The following RFC5 variants were observed in gnomAD, a reference collection of about 807,000 sequenced individuals.
RFC5 encodes the protein A1 36 kDa subunit.
Under a neutral mutation model 44.3 loss-of-function variants are expected in RFC5, and 26 were observed. The observed-to-expected ratio is 0.59, with a 90% confidence interval of 0.43 to 0.81. The LOEUF is 0.81. Among genes scored for constraint, RFC5 ranks in the 40% least tolerant of loss-of-function variants. RFC5 has a pLI of 0.00. For synonymous variants in RFC5, 155 were observed against 155.2 expected (o/e 1.00, Z 0.01); for missense variants, 328 against 418.6 (o/e 0.78, Z 1.89).
In RFC5 at chr12:118,031,337, A is replaced by ATGTC. The variant is rs757108754; in HGVS notation, c.*59_*60insTGTC. ...CAGCAGTGATGGGAGAACAGAGGACAGTTCCAGGATAAACTGCTGCCTGGG... is the reference window on the plus strand; with the variant it reads ...CAGCAGTGATGGGAGAACAGAGGACATGTCGTTCCAGGATAAACTGCTGCCTGGG... On this transcript the variant is annotated 3_prime_UTR_variant, in exon 11 of 11. Transcript: ENST00000454402. 165 of 1,182,748 alleles carry ATGTC rather than the reference A, an allele frequency of 1.4e-4. No individual in the cohort carries two copies. Among genetic ancestry groups the ATGTC allele is most frequent in the Non-Finnish European group, 2.0e-4 (158 of 799,182 alleles). The allele number at this position is 1,182,748 out of a possible 1,614,324, so 73.3% of individuals were successfully genotyped here.
At chr12:118,023,426 A>AGGGGGGAGGAGGAGGGG (rs2030675210) in intron 5 of RFC5, among the ~76,000 whole-genome samples, 1 of 48,232 alleles carries the variant, frequency 2.1e-5, no homozygotes, top group Non-Finnish European at 3.8e-5. Flanking sequence ...GGAGGAGGGG[A>AGGGGGGAGGAGGAGGGG]GGAAGAGGAG....
At chr12:118,017,490 T>C (rs1157712924) in intron 1 of RFC5, among the ~76,000 whole-genome samples, 3 of 152,336 alleles carry the variant, frequency 2.0e-5, no homozygotes, top group East Asian at 3.9e-4. Flanking sequence ...AATTCAGATC[T>C]TGTACTCTTA....
chr12:118,023,183 T>G (rs946102184), intron 5 of RFC5, among the ~76,000 whole-genome samples: 1 of 151,852 alleles, frequency 6.6e-6, no homozygotes, highest in Non-Finnish European at 1.5e-5. Flanking sequence ...CTGATATTAC[T>G]TCACTGCTTG....
intron 7 of RFC5, among the ~76,000 whole-genome samples, chr12:118,026,039 C>T (rs1470432545): frequency 2.6e-5 from 4 of 151,860 alleles, no homozygotes; most frequent in Non-Finnish European, 5.9e-5. Flanking sequence ...GATGGGGTTT[C>T]GCCATGTTGG....
At chr12:118,036,110 C>A, downstream of RFC5, 1 of 384,522 alleles carries the variant, frequency 2.6e-6, no homozygotes, top group Non-Finnish European at 4.7e-6. Flanking sequence ...GCTCAGGCAG[C>A]AGAATCGCTT....
chr12:118,036,326 T>C, downstream of RFC5: 1 of 1,610,638 alleles, frequency 6.2e-7, no homozygotes, highest in Admixed American at 1.7e-5. Context: ...ATAGCAGGGA[T>C]TCAGTCCTTA....
At chr12:118,037,667 T>TAAAAA (rs752087366), downstream of RFC5, among the ~76,000 whole-genome samples, 9 of 123,554 alleles carry the variant, frequency 7.3e-5, no homozygotes, top group Non-Finnish European at 7.0e-5. Context: ...AAACTCTGTC[T>TAAAAA]AAAAAAAAAA....
the RFC5 span, chr12:118,038,142 A>ACTT: frequency 4.9e-6 from 3 of 615,272 alleles, no homozygotes; most frequent in East Asian, 9.2e-5. Flanking sequence ...GTCACAAGGG[A>ACTT]CTTTTGCAGG....
intron 6 of RFC5, chr12:118,025,479 G>A: frequency 2.3e-6 from 1 of 429,824 alleles, no homozygotes; most frequent in Non-Finnish European, 4.2e-6. Flanking sequence ...CCAGAGAGCA[G>A]AATTCAAGAC....
chr12:118,037,968 T>C (rs1176537925), downstream of RFC5: 3 of 215,082 alleles, frequency 1.4e-5, no homozygotes, highest in Admixed American at 5.5e-5. Context: ...CAAAGGAAAT[T>C]TGGATTCACA....
intron 3 of RFC5, 78 bp from the exon 4 acceptor site, chr12:118,020,828 G>C: frequency 2.3e-6 from 2 of 869,558 alleles, no homozygotes; most frequent in South Asian, 2.8e-5. Context: ...GGACTGATGA[G>C]GAAATACACT....
chr12:118,028,035 C>G lies in RFC5; in HGVS notation c.871+5C>G. 9.5e-6 allele frequency: 15 copies of G among 1,575,398 alleles called. No homozygotes were observed. The highest frequency in any genetic ancestry group is 1.2e-5 in the Non-Finnish European group (14 of 1,146,106). ...TACACTTGTTTGTGCATAGAGGTAACTTACATTATCCCCCAGCTGAGAAGC... is the reference window on the plus strand; with the variant it reads ...TACACTTGTTTGTGCATAGAGGTAAGTTACATTATCCCCCAGCTGAGAAGC... On this transcript the variant is annotated splice_donor_5th_base_variant and intron_variant, in intron 9 of 10. Transcript: ENST00000454402.
At chr12:118,024,212 G>T (rs1487010192) in intron 5 of RFC5, among the ~76,000 whole-genome samples, 1 of 151,954 alleles carries the variant, frequency 6.6e-6, no homozygotes, top group Middle Eastern at 3.4e-3. Flanking sequence ...GTGGTGGCAC[G>T]TGTCTGTAGT....
chr12:118,025,916 T>G, intron 7 of RFC5, 88 bp downstream of exon 7: 1 of 789,808 alleles, frequency 1.3e-6, no homozygotes, highest in Admixed American at 2.0e-5. Flanking sequence ...CAACACAATC[T>G]CAGCTCACTG....
chr12:118,027,835 A>G (rs961928417), intron 8 of RFC5, 118 bp from the exon 9 acceptor site: 6 of 654,548 alleles, frequency 9.2e-6, no homozygotes, highest in African/African-American at 7.2e-5. Flanking sequence ...AAAGAGAAAC[A>G]GTTGTGTTGG....
intron 5 of RFC5, among the ~76,000 whole-genome samples, chr12:118,024,090 C>T (rs1463685319): frequency 6.6e-6 from 1 of 151,946 alleles, no homozygotes; most frequent in African/African-American, 2.4e-5. Context: ...GTGGCTCATG[C>T]CTGTAATCCC....
chr12:118,017,876 C>T (rs894217149), intron 1 of RFC5: 3 of 666,280 alleles, frequency 4.5e-6, no homozygotes, highest in Non-Finnish European at 8.2e-6. Flanking sequence ...GCATTAAGTA[C>T]ATTCAGAATG....
At chr12:118,029,183 G>T (rs1040282361) in intron 9 of RFC5, among the ~76,000 whole-genome samples, 2 of 152,248 alleles carry the variant, frequency 1.3e-5, no homozygotes, top group Non-Finnish European at 2.9e-5. Context: ...ACTTTGGGAA[G>T]TCAAAATGGG....
chr12:118,031,094 G>T, intron 10 of RFC5, 88 bp from the exon 11 acceptor site: 1 of 885,838 alleles, frequency 1.1e-6, no homozygotes. Flanking sequence ...TCCTTCAACA[G>T]ATTTTCAGCC....
Sources: gnomAD v4.1 joint callset for allele counts (sites outside exome capture counted in the v4.1 genomes callset) on GRCh38, gnomAD v4.1.1 for gene constraint, MANE v1.5 for transcripts, NCBI Gene and HGNC (gene_info 2026-07-23, HGNC 2026-07-21) for gene names.